PBX1: variants seen among roughly 807,000 people sequenced by gnomAD.
The protein encoded by PBX1 is PBX homeobox 1.
Under a neutral mutation model 53.4 loss-of-function variants are expected in PBX1, and 6 were observed. The observed-to-expected ratio is 0.11, with a 90% CI of 0.06 to 0.22. The LOEUF is 0.22. Among genes scored for constraint, PBX1 ranks in the 10% least tolerant of loss-of-function variants. The probability of loss-of-function intolerance (pLI) is 1.00; values close to 1 mark genes in which losing one functional copy is unlikely to be tolerated. For missense variants in PBX1, 251 were observed against 551.4 expected (o/e 0.46, Z 5.46); for synonymous variants, 204 against 212.3 (o/e 0.96, Z 0.34).
At chr1:164,785,780 T>A (rs1372823058) in intron 2 of PBX1, among the ~76,000 whole-genome samples, 1 of 152,148 alleles carries the variant, frequency 6.6e-6, no homozygotes, top group East Asian at 1.9e-4. Context: ...GGAGACAACC[T>A]CTATGTGGCC....
intron 2 of PBX1, among the ~76,000 whole-genome samples, chr1:164,868,281 C>T (rs955592678): frequency 2.6e-5 from 4 of 152,126 alleles, no homozygotes; most frequent in Admixed American, 1.3e-4. Context: ...TGCAGCTCCA[C>T]GCAGTGGGCA....
At chr1:164,593,346 G>T (rs1263368853) in intron 2 of PBX1, among the ~76,000 whole-genome samples, 1 of 152,134 alleles carries the variant, frequency 6.6e-6, no homozygotes, top group African/African-American at 2.4e-5. Flanking sequence ...GGTTGCTGTA[G>T]TAGCACTTTT....
At chr1:164,860,983 G>A (rs1304308466) in intron 2 of PBX1, among the ~76,000 whole-genome samples, 1 of 151,988 alleles carries the variant, frequency 6.6e-6, no homozygotes, top group East Asian at 1.9e-4. Context: ...TAGAGGAGTA[G>A]CATGGTGTAG....
intron 8 of PBX1, among the ~76,000 whole-genome samples, chr1:164,833,189 C>T (rs1436576127): frequency 7.0e-6 from 1 of 142,654 alleles, no homozygotes; most frequent in African/African-American, 2.7e-5. Context: ...ATAACCCTCC[C>T]CTCGCTAAAA....
chr1:164,822,520 A>T (rs1051614144), intron 8 of PBX1, among the ~76,000 whole-genome samples: 1 of 152,184 alleles, frequency 6.6e-6, no homozygotes, highest in South Asian at 2.1e-4. Context: ...GTTAGGCATG[A>T]TTTATTAATG....
At chr1:164,681,622 A>T (rs976110759) in intron 2 of PBX1, among the ~76,000 whole-genome samples, 7 of 152,142 alleles carry the variant, frequency 4.6e-5, no homozygotes, top group African/African-American at 1.7e-4. Context: ...GTAAATGAAA[A>T]CTCAATTGTA....
chr1:164,751,581 C>CTTTTTTT (rs1231289371), intron 2 of PBX1, among the ~76,000 whole-genome samples: 1 of 138,030 alleles, frequency 7.2e-6, no homozygotes, highest in Non-Finnish European at 1.6e-5. Flanking sequence ...TATTGCCCCC[C>CTTTTTTT]TTTTTTTTTT....
At chr1:164,771,206 T>C (rs555815477) in intron 2 of PBX1, 6 of 152,288 alleles carry the variant, frequency 3.9e-5, no homozygotes, top group Admixed American at 3.3e-4. Context: ...TTTTGCTTAT[T>C]ATCAAAAGGA....
At chr1:164,585,087 A>T (rs956315050) in intron 2 of PBX1, among the ~76,000 whole-genome samples, 1 of 152,210 alleles carries the variant, frequency 6.6e-6, no homozygotes, top group East Asian at 1.9e-4. Context: ...TTTGACATCA[A>T]TGAAAGAGGT....
chr1:164,780,018 A>C (rs563840596), intron 2 of PBX1, among the ~76,000 whole-genome samples: 47 of 152,314 alleles, frequency 3.1e-4, no homozygotes, highest in Non-Finnish European at 5.9e-4. Flanking sequence ...CCGTTGATGC[A>C]TTTAGCCAGC....
At chr1:164,627,599 A>T (rs746742665) in intron 2 of PBX1, among the ~76,000 whole-genome samples, 11 of 152,168 alleles carry the variant, frequency 7.2e-5, no homozygotes, top group Non-Finnish European at 1.3e-4. Flanking sequence ...GCCTCAAGAG[A>T]TGGGAAGCCA....
intron 2 of PBX1, among the ~76,000 whole-genome samples, chr1:164,712,778 C>G (rs1663872259): frequency 6.6e-6 from 1 of 152,146 alleles, no homozygotes; most frequent in Admixed American, 6.5e-5. Flanking sequence ...GGCCCGTTGC[C>G]TGTTCCGTTC....
At chr1:164,772,001 C>T (rs1165234556) in intron 2 of PBX1, among the ~76,000 whole-genome samples, 1 of 152,118 alleles carries the variant, frequency 6.6e-6, no homozygotes, top group Non-Finnish European at 1.5e-5. Context: ...TGGGCCCTAC[C>T]CCAAGAATAG....
At chr1:164,690,983 A>T (rs73023293) in intron 2 of PBX1, among the ~76,000 whole-genome samples, 1 of 143,950 alleles carries the variant, frequency 6.9e-6, no homozygotes, top group African/African-American at 2.5e-5. Flanking sequence ...TCAAGGATGC[A>T]TTGTAAAGTG....
At chr1:164,673,334 G>T (rs771199372) in intron 2 of PBX1, among the ~76,000 whole-genome samples, 1 of 152,014 alleles carries the variant, frequency 6.6e-6, no homozygotes, top group Non-Finnish European at 1.5e-5. Flanking sequence ...GGCTGGGAGC[G>T]CCCAGAACCT....
intron 2 of PBX1, among the ~76,000 whole-genome samples, chr1:164,577,965 T>C (rs1169559982): frequency 6.6e-6 from 1 of 152,166 alleles, no homozygotes; most frequent in African/African-American, 2.4e-5. Context: ...AGCATAGCAA[T>C]AATAATATCA....
chr1:164,661,624 A>C (rs1199784524), intron 2 of PBX1, among the ~76,000 whole-genome samples: 1 of 151,834 alleles, frequency 6.6e-6, no homozygotes. Flanking sequence ...ACGGGGTTTC[A>C]CCATGTTGGC....
chr1:164,685,470 C>T (rs1481153514), intron 2 of PBX1, among the ~76,000 whole-genome samples: 1 of 152,112 alleles, frequency 6.6e-6, no homozygotes, highest in East Asian at 1.9e-4. Context: ...ATGCAGAGTC[C>T]ACTTCCTCCC....
At chr1:164,617,844 C>T (rs1022203739) in intron 2 of PBX1, among the ~76,000 whole-genome samples, 1 of 142,162 alleles carries the variant, frequency 7.0e-6, no homozygotes, top group African/African-American at 2.6e-5. Context: ...TGTGGATCTC[C>T]TTTCAGCAGG....
Sources: allele counts gnomAD v4.1 joint callset (sites outside exome capture counted in the v4.1 genomes callset), GRCh38; gene constraint gnomAD v4.1.1; transcripts MANE v1.5; gene names NCBI Gene and HGNC (gene_info 2026-07-23, HGNC 2026-07-21).